WIPF3: variants seen among roughly 807,000 people sequenced by gnomAD.
WIPF3 encodes the protein WAS/WASL interacting protein family member 3, also known as WAS/WASL-interacting protein family member 3.
Under a neutral mutation model 38.9 loss-of-function variants are expected in WIPF3, and 33 were observed. The observed-to-expected ratio is 0.85, with a 90% CI of 0.64 to 1.14. WIPF3 has a LOEUF of 1.14. Among genes scored for constraint, WIPF3 ranks in the 50% most tolerant of loss-of-function variants. The pLI is 0.00. For missense variants in WIPF3, 711 were observed against 652.5 expected (o/e 1.09, Z -0.98); for synonymous variants, 324 against 269.3 (o/e 1.20, Z -1.99).
intron 4 of WIPF3, among the ~76,000 whole-genome samples, chr7:29,879,709 A>G (rs898172291): frequency 4.6e-5 from 7 of 151,974 alleles, no homozygotes; most frequent in Non-Finnish European, 7.4e-5. Flanking sequence ...TATTTCTCAT[A>G]TTTTTCCAAC....
chr7:29,875,406 T>C (rs1258381466), intron 2 of WIPF3, among the ~76,000 whole-genome samples: 2 of 151,992 alleles, frequency 1.3e-5, no homozygotes, highest in East Asian at 3.9e-4. Flanking sequence ...CAGGAGCAAC[T>C]CCCATCGTCA....
At chr7:29,825,119 A>G (rs1784596156) in intron 1 of WIPF3, among the ~76,000 whole-genome samples, 1 of 152,218 alleles carries the variant, frequency 6.6e-6, no homozygotes, top group South Asian at 2.1e-4. Context: ...AAAATCTAGC[A>G]TCATAACATA....
intron 1 of WIPF3, among the ~76,000 whole-genome samples, chr7:29,829,439 G>T (rs1213636477): frequency 6.6e-6 from 1 of 151,878 alleles, no homozygotes; most frequent in African/African-American, 2.4e-5. Context: ...GGCTGGTTTG[G>T]AACTCCTGAC....
chr7:29,870,280 C>T (rs1583611339), intron 2 of WIPF3, among the ~76,000 whole-genome samples: 1 of 152,186 alleles, frequency 6.6e-6, no homozygotes, highest in East Asian at 1.9e-4. Flanking sequence ...ATGGATGCAG[C>T]AAAGAATGAC....
chr7:29,852,753 A>G (rs1785123760), intron 2 of WIPF3, among the ~76,000 whole-genome samples: 1 of 152,212 alleles, frequency 6.6e-6, no homozygotes, highest in African/African-American at 2.4e-5. Context: ...GATTTCTAAC[A>G]CAGACCCAGT....
intron 7 of WIPF3, among the ~76,000 whole-genome samples, chr7:29,902,392 T>C (rs1337227639): frequency 6.6e-6 from 1 of 152,052 alleles, no homozygotes; most frequent in East Asian, 1.9e-4. Context: ...TTAAGAAGTT[T>C]TAATGAAAAT....
intron 7 of WIPF3, among the ~76,000 whole-genome samples, chr7:29,902,072 T>C (rs1786293624): frequency 2.0e-5 from 3 of 152,008 alleles, no homozygotes; most frequent in South Asian, 4.1e-4. Flanking sequence ...TTAAACATTC[T>C]GCAACACACA....
chr7:29,832,932 C>T (rs545316218), intron 1 of WIPF3, among the ~76,000 whole-genome samples: 26 of 152,212 alleles, frequency 1.7e-4, no homozygotes, highest in Non-Finnish European at 3.8e-4. Flanking sequence ...AACCCAGGCA[C>T]TCATCAATAG....
chr7:29,903,245 G>GC (rs1222314188), intron 7 of WIPF3, among the ~76,000 whole-genome samples: 2 of 152,082 alleles, frequency 1.3e-5, no homozygotes, highest in African/African-American at 2.4e-5. Context: ...AGTGAGTCAT[G>GC]ATCATATCAC....
Position 29,869,271 on chromosome 7 carries a change from G to A in WIPF3, c.91-6559G>A, listed in dbSNP as rs564876522. ...TCGAACTCCCAACCTCAGGTGATCC[G>A]CCCACCTTGGCCTCCCAAAGTGCTG... On this transcript the variant is annotated intron_variant, in intron 2 of 8. Coordinates refer to ENST00000242140, the MANE Select transcript of WIPF3 (RefSeq NM_001080529.3). Among the ~76,000 whole-genome samples the A allele has an allele frequency of 3.9e-5, 6 of 152,116 alleles. No homozygotes were observed. The East Asian group carries it at 5.8e-4, about 15-fold the overall frequency.
In WIPF3 at chr7:29,884,250, G is replaced by C; in HGVS notation, c.756G>C (p.Leu252=). 1 of 1,528,272 alleles carries C rather than the reference G, an allele frequency of 6.5e-7. No homozygotes were observed. The allele number at this position is 1,528,272 out of a possible 1,614,324, so 94.7% of individuals were successfully genotyped here. The change falls in exon 5 of 9, where the codon CTG becomes CTC. Residue 252 remains leucine, a synonymous_variant. Transcript: ENST00000242140. ...VLSDKAVKPQ[L]APLHLPPIPP... is the part of the protein sequence containing the mutation. ...GTGACAAGGCAGTGAAGCCTCAGCT[G>C]GCTCCCTTGCACCTCCCGCCCATCC...
At chr7:29,901,383 ATTT>A (rs543723994) in intron 7 of WIPF3, among the ~76,000 whole-genome samples, 1,887 of 122,072 alleles carry the variant, frequency 0.015, 59 homozygotes, top group African/African-American at 0.056. Flanking sequence ...AGCAGCAGTG[ATTT>A]TTTTTTTTTT....
intron 2 of WIPF3, among the ~76,000 whole-genome samples, chr7:29,862,541 T>G (rs914255615): frequency 6.6e-6 from 1 of 152,098 alleles, no homozygotes. Flanking sequence ...CATATCAAAT[T>G]TTTATGTGTC....
chr7:29,910,734 A>T (rs1330917464), intron 8 of WIPF3, among the ~76,000 whole-genome samples: 1 of 152,140 alleles, frequency 6.6e-6, no homozygotes, highest in Non-Finnish European at 1.5e-5. Flanking sequence ...TGATAAAAAA[A>T]ATTCTCAATA....
chr7:29,871,895 T>C (rs1785502474), intron 2 of WIPF3, among the ~76,000 whole-genome samples: 1 of 152,206 alleles, frequency 6.6e-6, no homozygotes, highest in Admixed American at 6.5e-5. Flanking sequence ...TATTCTACGA[T>C]GGTTCATCTT....
Position 29,904,307 on chromosome 7 carries a change from T to C in WIPF3, c.1373T>C (p.Leu458Pro). 1 of 1,613,864 alleles carries C rather than the reference T, an allele frequency of 6.2e-7. No individual in the cohort carries two copies. The highest frequency in any genetic ancestry group is 8.5e-7 in the Non-Finnish European group (1 of 1,179,832). The change falls in exon 8 of 9, where the codon CTC (leucine) becomes CCC (proline). Residue 458 changes from leucine to proline, a missense_variant. Transcript: ENST00000242140. The part of the protein sequence containing the change: ...IPRSRTPGPW[L>P]QAEAVGQSSD... ...TCAGGCCGTACACCTGGTCCCTGGC[T>C]CCAAGCGGAAGCAGTCGGGCAGAGC...
intron 1 of WIPF3, among the ~76,000 whole-genome samples, chr7:29,807,112 G>T (rs1035056748): frequency 6.6e-6 from 1 of 152,086 alleles, no homozygotes; most frequent in South Asian, 2.1e-4. Flanking sequence ...TGGGGAGGGG[G>T]CTGTCGCGGG....
intron 8 of WIPF3, among the ~76,000 whole-genome samples, chr7:29,907,561 T>TG (rs978559215): frequency 3.9e-5 from 6 of 152,194 alleles, no homozygotes; most frequent in Non-Finnish European, 8.8e-5. Context: ...GTTGGGCCTT[T>TG]GGGGAGGTGA....
chr7:29,852,191 G>A (rs1351626719), intron 2 of WIPF3, among the ~76,000 whole-genome samples: 6 of 152,020 alleles, frequency 3.9e-5, no homozygotes, highest in Non-Finnish European at 5.9e-5. Context: ...TTATTTTGTA[G>A]AGACAGGTCT....
Sources: gnomAD v4.1 joint callset for allele counts (sites outside exome capture counted in the v4.1 genomes callset) on GRCh38, gnomAD v4.1.1 for gene constraint, MANE v1.5 for transcripts, NCBI Gene and HGNC (gene_info 2026-07-23, HGNC 2026-07-21) for gene names.